CASK: variants seen among roughly 807,000 people sequenced by gnomAD.
CASK encodes the protein calcium/calmodulin dependent serine protein kinase.
CASK carries 4 observed loss-of-function variants against 82.9 expected under a neutral mutation model. The observed-to-expected ratio is 0.05, with a 90% CI of 0.02 to 0.11. The LOEUF is 0.11. Among genes scored for constraint, CASK ranks in the 10% least tolerant of loss-of-function variants. CASK has a pLI of 1.00. For synonymous variants in CASK, 259 were observed against 253.5 expected (o/e 1.02, Z -0.20); for missense variants, 358 against 720.9 (o/e 0.50, Z 5.76).
chrX:41,726,935 A>G (rs956169404), intron 5 of CASK: 3 of 434,086 alleles, frequency 6.9e-6, no homozygotes, highest in Non-Finnish European at 7.5e-6. Context: ...AAAACTATTC[A>G]GCTTAAATAC....
intron 2 of CASK, among the ~76,000 whole-genome samples, chrX:41,831,765 C>G (rs1197675256): frequency 9.0e-6 from 1 of 111,216 alleles, no homozygotes; most frequent in Non-Finnish European, 1.9e-5. Context: ...TCAAGACCAG[C>G]TTGGCCAAGA....
At chrX:41,610,208 A>AGTTC (rs1569337829) in intron 11 of CASK, among the ~76,000 whole-genome samples, 183 bp from the exon 12 acceptor site, 2 of 112,471 alleles carry the variant, frequency 1.8e-5, no homozygotes, top group African/African-American at 3.2e-5. Context: ...ATTTTCAGAG[A>AGTTC]GTTCATGTTC....
chrX:41,648,505 C>A (rs756446392), intron 8 of CASK, among the ~76,000 whole-genome samples: 1 of 110,997 alleles, frequency 9.0e-6, no homozygotes, highest in African/African-American at 3.3e-5. Flanking sequence ...TTTGAAAATC[C>A]CTAATAAAAA....
chrX:41,812,799 T>C (rs1193489442), intron 2 of CASK, among the ~76,000 whole-genome samples: 2 of 111,666 alleles, frequency 1.8e-5, no homozygotes, highest in African/African-American at 6.5e-5. Context: ...GGAAGTCAAA[T>C]TGTCCCTGTT....
chrX:41,768,686 C>T (rs775034089), intron 3 of CASK, among the ~76,000 whole-genome samples: 46 of 111,461 alleles, frequency 4.1e-4, no homozygotes, highest in Non-Finnish European at 7.0e-4. Context: ...AAGAATTCTT[C>T]GCCAGGTGTG....
chrX:41,862,672 A>T (rs964853554), intron 1 of CASK, among the ~76,000 whole-genome samples: 1 of 110,627 alleles, frequency 9.0e-6, no homozygotes, highest in Non-Finnish European at 1.9e-5. Flanking sequence ...TATGACAGAG[A>T]GTGAGAGACG....
intron 2 of CASK, among the ~76,000 whole-genome samples, chrX:41,813,730 A>G (rs1331941170): frequency 3.6e-5 from 4 of 112,067 alleles, no homozygotes; most frequent in Admixed American, 2.8e-4. Flanking sequence ...ACAAATGCCA[A>G]AATTGACAAA....
rs6610623 is a variant in CASK at position 41,879,952 on chromosome X, T to C, written c.60-26725A>G. On this transcript the variant is annotated intron_variant, in intron 1 of 26. Transcript: ENST00000378163. The stretch of plus-strand genomic sequence containing the variant: ...TACTATGCCCATGCATCCTTATGAT[T>C]CATTTTAGACAACTGTTTTGTCCTT... Among the ~76,000 whole-genome samples, 114 of 112,189 alleles carry C rather than the reference T, an allele frequency of 1.0e-3. 1 individual carries two copies. The East Asian group carries it at 0.03, about 29-fold the overall frequency.
intron 3 of CASK, among the ~76,000 whole-genome samples, chrX:41,757,386 C>T (rs1239941631): frequency 9.0e-6 from 1 of 111,320 alleles, no homozygotes; most frequent in Non-Finnish European, 1.9e-5. Context: ...GTGCTGATGC[C>T]CTTTATCAAC....
At chrX:41,893,727 C>T (rs1394969800) in intron 1 of CASK, among the ~76,000 whole-genome samples, 1 of 112,055 alleles carries the variant, frequency 8.9e-6, no homozygotes, top group East Asian at 2.8e-4. Flanking sequence ...TGTGGCCAAC[C>T]ATTGGATGAC....
intron 5 of CASK, among the ~76,000 whole-genome samples, chrX:41,682,842 T>C (rs1485531381): frequency 3.6e-5 from 4 of 110,812 alleles, no homozygotes; most frequent in Non-Finnish European, 7.6e-5. Flanking sequence ...CTCAAACTCC[T>C]GACCTCAAGT....
intron 8 of CASK, among the ~76,000 whole-genome samples, chrX:41,650,140 G>A (rs755841196): frequency 5.0e-4 from 55 of 110,923 alleles, no homozygotes; most frequent in African/African-American, 1.7e-3. Flanking sequence ...TTGAGCCTAT[G>A]TGTGTCTCTG....
At chrX:41,744,071 C>T (rs1004398962) in intron 4 of CASK, among the ~76,000 whole-genome samples, 1 of 108,941 alleles carries the variant, frequency 9.2e-6, no homozygotes, top group Non-Finnish European at 1.9e-5. Flanking sequence ...GATAGTGCCA[C>T]TGCACTCCAG....
At chrX:41,587,081 T>C (rs1270042866) in intron 13 of CASK, 94 bp from the exon 14 acceptor site, 1 of 537,116 alleles carries the variant, frequency 1.9e-6, no homozygotes, top group African/African-American at 2.3e-5. Flanking sequence ...AGTGGATTTT[T>C]ATGGCAGGCA....
At chrX:41,729,812 GTA>G (rs1486643319) in intron 5 of CASK, 2 of 81,490 alleles carry the variant, frequency 2.5e-5, no homozygotes, top group Non-Finnish European at 5.0e-5. Context: ...ATATATGTAT[GTA>G]TGTATGTATA....
At chrX:41,640,949 TAA>T (rs1204062018) in intron 8 of CASK, among the ~76,000 whole-genome samples, 1 of 105,414 alleles carries the variant, frequency 9.5e-6, no homozygotes, top group African/African-American at 3.4e-5. Context: ...TCACAAGATT[TAA>T]AAAAAAGTCT....
rs1304547290 is a variant in CASK at position 41,673,839 on chromosome X, T to TG, written c.430-2310_430-2309insC. ...GTGAGAACTCTGGGTGTTTTTTTTTTTTTTTTTTTTTTTGCCTCCCATCAT... is the reference window on the plus strand; with the variant it reads ...GTGAGAACTCTGGGTGTTTTTTTTTTGTTTTTTTTTTTTTGCCTCCCATCAT... On this transcript the variant is annotated intron_variant, in intron 5 of 26. Coordinates refer to ENST00000378163, the MANE Select transcript of CASK (RefSeq NM_001367721.1). 3.9e-5 allele frequency among the ~76,000 whole-genome samples: 4 copies of TG among 103,428 alleles called. No homozygotes were observed. The Admixed American group carries it at 4.2e-4, about 11-fold the overall frequency. 89.8% of individuals were successfully genotyped at this position (103,428 alleles called of 115,157 possible).
At chrX:41,853,028 C>G (rs1204523775) in intron 2 of CASK, 87 bp downstream of exon 2, 1 of 604,323 alleles carries the variant, frequency 1.7e-6, no homozygotes, top group Admixed American at 2.4e-5. Context: ...GCTTCCCCAC[C>G]CCCAGATGAA....
intron 8 of CASK, among the ~76,000 whole-genome samples, chrX:41,648,992 T>C (rs923524124): frequency 9.0e-6 from 1 of 111,601 alleles, no homozygotes; most frequent in Non-Finnish European, 1.9e-5. Context: ...GGAGGGTGTA[T>C]GTGTCCAGGA....
Sources: gnomAD v4.1 joint callset for allele counts (sites outside exome capture counted in the v4.1 genomes callset) on GRCh38, gnomAD v4.1.1 for gene constraint, MANE v1.5 for transcripts, NCBI Gene and HGNC (gene_info 2026-07-23, HGNC 2026-07-21) for gene names.